AKNAD1: variants seen among roughly 807,000 people sequenced by gnomAD.
The protein encoded by AKNAD1 is protein AKNAD1.
In AKNAD1, 67 loss-of-function variants were observed where a neutral mutation model predicts 90.8. The ratio of observed to expected loss-of-function variants is 0.74; its 90% CI spans 0.61 to 0.90. The LOEUF (loss-of-function observed/expected upper bound fraction) is 0.90. Among genes scored for constraint, AKNAD1 ranks in the 40% least tolerant of loss-of-function variants. AKNAD1 has a pLI of 0.00. For synonymous variants in AKNAD1, 327 were observed against 341.4 expected (o/e 0.96, Z 0.46); for missense variants, 957 against 975.4 (o/e 0.98, Z 0.25).
chr1:108,835,938 T>C (rs948766587), intron 7 of AKNAD1, among the ~76,000 whole-genome samples: 1 of 152,212 alleles, frequency 6.6e-6, no homozygotes, highest in Admixed American at 6.5e-5. Flanking sequence ...TTGTTAAGTA[T>C]ATGTCTCTCT....
rs756470789 is a variant in AKNAD1, at chr1:108,851,721, T to G, written c.944A>C (p.Gln315Pro). ...TTPESNCVEK[Q>P]HQEQKGKITE... ...GATTTTCCCTTTCTGCTCTTGATGT[T>G]GTTTTTCAACACAGTTTGACTCAGG... Residue 315 changes from glutamine to proline, a missense_variant, in exon 2 of 16, where the codon CAA (glutamine) becomes CCA (proline). Coordinates refer to ENST00000370001, the MANE Select transcript of AKNAD1 (RefSeq NM_152763.5). 3 of 1,601,970 alleles carry G rather than the reference T, an allele frequency of 1.9e-6. No individual in the cohort carries two copies. The highest frequency in any genetic ancestry group is 2.3e-5 in the South Asian group (2 of 88,572).
intron 11 of AKNAD1, among the ~76,000 whole-genome samples, chr1:108,824,817 T>C (rs59053471): frequency 0.12 from 18,698 of 151,544 alleles, 1,835 homozygotes; most frequent in African/African-American, 0.25. Flanking sequence ...GTGCTGGGAT[T>C]ACAGACATAA....
chr1:108,847,846 C>T (rs546618693), intron 5 of AKNAD1, among the ~76,000 whole-genome samples: 1 of 152,332 alleles, frequency 6.6e-6, no homozygotes, highest in Admixed American at 6.5e-5. Flanking sequence ...ATTTTAGCTG[C>T]CTGTTTACCA....
At chr1:108,842,927 G>T (rs532281059) in intron 6 of AKNAD1, among the ~76,000 whole-genome samples, 14 of 152,264 alleles carry the variant, frequency 9.2e-5, no homozygotes, top group Admixed American at 9.1e-4. Context: ...TGTTCCATCT[G>T]AGTCAATGTC....
Position 108,852,668 on chromosome 1 carries a change from T to C in AKNAD1, c.-4A>G. On this transcript the variant is annotated 5_prime_UTR_variant, in exon 2 of 16. Transcript: ENST00000370001. ...CTGAAAAATCAGCCTCATCCATGTG[T>C]GTGCAGCCCGATCGCTCTCGTCCTC... is the stretch of plus-strand genomic sequence containing the variant. 6.4e-7 allele frequency: 1 copy of C among 1,558,614 alleles called. No individual in the cohort carries two copies. The highest frequency in any genetic ancestry group is 1.7e-4 in the Middle Eastern group (1 of 5,772).
chr1:108,832,042 C>A (rs1664215236), intron 9 of AKNAD1, among the ~76,000 whole-genome samples: 1 of 152,060 alleles, frequency 6.6e-6, no homozygotes. Flanking sequence ...GTGCCAGGTG[C>A]TTCCCTTATA....
In AKNAD1 at chr1:108,827,148, G is replaced by GA. The variant is rs1449564966; in HGVS notation, c.1936+56dup. The stretch of plus-strand genomic sequence containing the variant: ...GGCAAGCTGGTGCCTACTGCGAGCA[G>GA]ACCCCATGGGGAGGGACACTGAAAA... On this transcript the variant is annotated intron_variant, in intron 11 of 15. Coordinates refer to ENST00000370001, the MANE Select transcript of AKNAD1 (RefSeq NM_152763.5). 4 of 1,316,432 alleles carry GA rather than the reference G, an allele frequency of 3.0e-6. No homozygotes were observed. The African/African-American group carries it at 5.8e-5, about 19-fold the overall frequency. 81.5% of individuals were successfully genotyped at this position (1,316,432 alleles called of 1,614,324 possible).
chr1:108,839,140 A>G lies in AKNAD1; in HGVS notation c.1380-1434T>C, dbSNP rs139422276. Among the ~76,000 whole-genome samples the G allele has an allele frequency of 3.1e-4, 47 of 152,302 alleles. 1 individual carries two copies. In the East Asian group the frequency reaches 8.7e-3, roughly 28 times the overall value. Reference sequence around the variant, plus strand: ...GGAGTTCACTAAACATAATTCTACCAAGACTTTTAAGCAACAGATAAGTCC... The same window carrying G: ...GGAGTTCACTAAACATAATTCTACCGAGACTTTTAAGCAACAGATAAGTCC... On this transcript the variant is annotated intron_variant, in intron 6 of 15. Transcript: ENST00000370001.
intron 5 of AKNAD1, 74 bp from the exon 6 acceptor site, chr1:108,843,341 C>A (rs1240415935): frequency 1.3e-6 from 2 of 1,567,402 alleles, no homozygotes; most frequent in Non-Finnish European, 1.7e-6. Flanking sequence ...AAACACAAAG[C>A]AGGTGTACCC....
intron 1 of AKNAD1, among the ~76,000 whole-genome samples, chr1:108,855,854 T>C (rs1307690031): frequency 6.7e-6 from 1 of 148,538 alleles, no homozygotes; most frequent in African/African-American, 2.5e-5. Context: ...GTCTAATTTT[T>C]TAGAACAAAA....
intron 9 of AKNAD1, among the ~76,000 whole-genome samples, chr1:108,833,435 T>C (rs1278689092): frequency 6.6e-6 from 1 of 151,884 alleles, no homozygotes; most frequent in East Asian, 1.9e-4. Flanking sequence ...ATACAAAAAT[T>C]AGCTGCACGT....
Position 108,835,036 on chromosome 1 carries a change from G to A in AKNAD1, c.1557C>T (p.Gly519=), listed in dbSNP as rs542124649. The change falls in exon 8 of 16, where the codon GGC becomes GGT. Residue 519 remains glycine (G), a synonymous_variant. Transcript: ENST00000370001. ...LSNEIPKEHP[G]HPSGPRGSGG... is the part of the protein sequence containing the mutation. ...CTGAGCCTCGAGGCCCAGAAGGGTG[G>A]CCGGGGTGCTCCTTGGGAATCTGGG... The A allele has an allele frequency of 2.5e-5, 40 of 1,576,164 alleles. No homozygotes were observed. The East Asian group carries it at 8.7e-4, about 34-fold the overall frequency.
At chr1:108,817,018 T>C (rs779567105) in intron 15 of AKNAD1, 30 bp downstream of exon 15, 1 of 1,612,400 alleles carries the variant, frequency 6.2e-7, no homozygotes. Flanking sequence ...CGAGCTGCAA[T>C]GCTTCTCGAA....
intron 1 of AKNAD1, among the ~76,000 whole-genome samples, chr1:108,853,072 G>A (rs933770138): frequency 6.6e-6 from 1 of 151,712 alleles, no homozygotes; most frequent in African/African-American, 2.4e-5. Context: ...GATAGTATTT[G>A]GAGTTTATTC....
rs762739243 is a variant in AKNAD1, at chr1:108,817,025, C to T, written c.2379+23G>A. Reference sequence around the variant, plus strand: ...CAAACTTACGAGCTGCAATGCTTCTCGAATGATTTTCTAAGTCCTCACCTC... The same window carrying T: ...CAAACTTACGAGCTGCAATGCTTCTTGAATGATTTTCTAAGTCCTCACCTC... On this transcript the variant is annotated intron_variant, in intron 15 of 15. Coordinates refer to ENST00000370001, the MANE Select transcript of AKNAD1 (RefSeq NM_152763.5). 4.3e-6 allele frequency: 7 copies of T among 1,612,760 alleles called. No homozygotes were observed. In the Middle Eastern group the frequency reaches 5.0e-4, roughly 115 times the overall value.
intron 6 of AKNAD1, among the ~76,000 whole-genome samples, chr1:108,840,314 C>A (rs1043808513): frequency 2.6e-5 from 4 of 152,052 alleles, no homozygotes. Context: ...CCTATGACAT[C>A]AATTAGAGAA....
rs1381587405 is a variant in AKNAD1 at position 108,823,552 on chromosome 1, C to T, written c.2059+14G>A. ...GTCCCCACTCGCCTTTCTGAGGCCCCAGGTGAGTGTTACCTTTAGTTGGTT... is the reference window on the plus strand; with the variant it reads ...GTCCCCACTCGCCTTTCTGAGGCCCTAGGTGAGTGTTACCTTTAGTTGGTT... On this transcript the variant is annotated intron_variant, in intron 12 of 15. Transcript: ENST00000370001. 3.1e-6 allele frequency: 5 copies of T among 1,613,476 alleles called. No homozygotes were observed. In the African/African-American group the frequency reaches 6.7e-5, roughly 22 times the overall value.
intron 9 of AKNAD1, among the ~76,000 whole-genome samples, chr1:108,831,147 G>A (rs1664183404): frequency 6.6e-6 from 1 of 152,172 alleles, no homozygotes; most frequent in African/African-American, 2.4e-5. Context: ...AGGGTTTAGG[G>A]ACTGTCTGGG....
intron 1 of AKNAD1, 62 bp from the exon 2 acceptor site, chr1:108,852,829 A>G: frequency 1.8e-6 from 1 of 540,684 alleles, no homozygotes; most frequent in Middle Eastern, 3.9e-4. Context: ...CAACTATGCC[A>G]GAACAAAGTG....
Sources: allele counts gnomAD v4.1 joint callset (sites outside exome capture counted in the v4.1 genomes callset), GRCh38; gene constraint gnomAD v4.1.1; transcripts MANE v1.5; gene names NCBI Gene and HGNC (gene_info 2026-07-23, HGNC 2026-07-21).